PPP3CA: variants seen among roughly 807,000 people sequenced by gnomAD.
PPP3CA encodes the protein CAM-PRP catalytic subunit.
PPP3CA carries 14 observed loss-of-function variants against 66.5 expected under a neutral mutation model. That is an observed-to-expected ratio of 0.21 (90% CI 0.14 to 0.33). The LOEUF (loss-of-function observed/expected upper bound fraction) is 0.33. Ranked by LOEUF, PPP3CA falls within the 10% of genes least tolerant of loss-of-function variation. The pLI, the probability that PPP3CA is intolerant of heterozygous loss-of-function variation, is 1.00. For synonymous variants in PPP3CA, 232 were observed against 226.2 expected, an observed-to-expected ratio of 1.03 and a Z score of -0.23; for missense variants, 317 against 639.5, an observed-to-expected ratio of 0.50 and a Z score of 5.44.
At chr4:101,116,540 T>C (rs1266630510) in intron 2 of PPP3CA, among the ~76,000 whole-genome samples, 2 of 151,824 alleles carry the variant, frequency 1.3e-5, no homozygotes, top group Non-Finnish European at 1.5e-5. Flanking sequence ...TTCCTCCTGT[T>C]GATAATCCAG....
At chr4:101,296,440 A>G (rs1207008125) in intron 1 of PPP3CA, among the ~76,000 whole-genome samples, 1 of 152,146 alleles carries the variant, frequency 6.6e-6, no homozygotes, top group African/African-American at 2.4e-5. Context: ...TCCTTAACAG[A>G]TGCATGAGAA....
rs1729133139 is a variant in PPP3CA at position 101,075,205 on chromosome 4, C to T, written c.955+5327G>A. ...TCTGGGTGGGGACACAGCAAAACCA[C>T]ATCAGATGCTTTCCATGTGCATCTT... On this transcript the variant is annotated intron_variant, in intron 8 of 13. Coordinates refer to ENST00000394854, the MANE Select transcript of PPP3CA (RefSeq NM_000944.5). 2.0e-5 allele frequency among the ~76,000 whole-genome samples: 3 copies of T among 152,172 alleles called. No homozygotes were observed. The South Asian group carries it at 6.2e-4, about 32-fold the overall frequency.
chr4:101,042,047 G>C (rs1727546721), intron 10 of PPP3CA, among the ~76,000 whole-genome samples: 2 of 152,026 alleles, frequency 1.3e-5, no homozygotes, highest in Admixed American at 1.3e-4. Flanking sequence ...TTCCCTTAGA[G>C]GGCTTTTATG....
intron 2 of PPP3CA, among the ~76,000 whole-genome samples, chr4:101,124,717 GAAAGAA>G (rs1722161081): frequency 2.8e-4 from 23 of 80,876 alleles, no homozygotes; most frequent in South Asian, 2.1e-3. Context: ...AAGAAAGAAA[GAAAGAA>G]AGAGAAAGAA....
At chr4:101,092,781 T>C (rs1730013886) in intron 6 of PPP3CA, among the ~76,000 whole-genome samples, 1 of 152,196 alleles carries the variant, frequency 6.6e-6, no homozygotes, top group Non-Finnish European at 1.5e-5. Flanking sequence ...GCAAAGAACA[T>C]GAACACATCC....
intron 9 of PPP3CA, among the ~76,000 whole-genome samples, chr4:101,062,028 T>G (rs1326596372): frequency 1.3e-5 from 2 of 152,042 alleles, no homozygotes; most frequent in African/African-American, 2.4e-5. Context: ...ATCCAGAGTT[T>G]CAGTTTAATT....
At position 101,317,383 on chromosome 4, in the gene PPP3CA, C is replaced by T. The variant is rs375154311; in HGVS notation, c.58+29356G>A. Among the ~76,000 whole-genome samples the T allele has an allele frequency of 3.9e-5, 6 of 152,068 alleles. No homozygotes were observed. In the East Asian group the frequency reaches 5.8e-4, roughly 15 times the overall value. On this transcript the variant is annotated intron_variant, in intron 1 of 13. Coordinates refer to ENST00000394854, the MANE Select transcript of PPP3CA (RefSeq NM_000944.5). ...AATCAAGACAGCAAAATGTTTCCTT[C>T]CATTTTACATACTTGTAAAAATAAA... is the stretch of plus-strand genomic sequence containing the variant.
intron 1 of PPP3CA, among the ~76,000 whole-genome samples, chr4:101,224,301 C>T (rs777776374): frequency 6.6e-6 from 1 of 151,708 alleles, no homozygotes; most frequent in Admixed American, 6.6e-5. Context: ...TTTTGAGATG[C>T]TTTTGGCTTT....
chr4:101,314,584 A>AG (rs2039549695), intron 1 of PPP3CA, among the ~76,000 whole-genome samples: 1 of 151,270 alleles, frequency 6.6e-6, no homozygotes, highest in East Asian at 2.0e-4. Flanking sequence ...AAAAAAAAAA[A>AG]AAAAAAAAGA....
chr4:101,161,936 C>T (rs1030167961), intron 2 of PPP3CA, among the ~76,000 whole-genome samples: 3 of 152,008 alleles, frequency 2.0e-5, no homozygotes, highest in African/African-American at 4.8e-5. Context: ...TAGTCCACAT[C>T]GAGGTTAAAA....
At chr4:101,330,302 T>G in intron 1 of PPP3CA, 1 of 438,174 alleles carries the variant, frequency 2.3e-6, no homozygotes, top group Non-Finnish European at 4.6e-6. Context: ...TGATAAAATT[T>G]TAATGGATAA....
intron 2 of PPP3CA, among the ~76,000 whole-genome samples, chr4:101,192,271 A>G (rs1483078672): frequency 2.0e-5 from 3 of 151,996 alleles, no homozygotes; most frequent in African/African-American, 7.3e-5. Flanking sequence ...AAATCCCCCT[A>G]CCCTGCCATG....
chr4:101,025,761 G>T lies in PPP3CA; in HGVS notation c.*104C>A. 1.1e-6 allele frequency: 1 copy of T among 923,934 alleles called. No individual in the cohort carries two copies. Among genetic ancestry groups the T allele is most frequent in the Non-Finnish European group, 1.5e-6 (1 of 647,822 alleles). The allele number at this position is 923,934 out of a possible 1,614,324, so 57.2% of individuals were successfully genotyped here. On this transcript the variant is annotated 3_prime_UTR_variant, in exon 14 of 14. Coordinates refer to ENST00000394854, the MANE Select transcript of PPP3CA (RefSeq NM_000944.5). Reference sequence around the variant, plus strand: ...TGGCCCCCAGAGCAAATAAGCTACTGTCAGAGGCAAGAACATCCAACTGCT... The same window carrying T: ...TGGCCCCCAGAGCAAATAAGCTACTTTCAGAGGCAAGAACATCCAACTGCT...
intron 1 of PPP3CA, among the ~76,000 whole-genome samples, chr4:101,299,624 A>C (rs1728311776): frequency 6.6e-6 from 1 of 152,148 alleles, no homozygotes; most frequent in South Asian, 2.1e-4. Context: ...ATTTATAAGA[A>C]ATAAATATTA....
At position 101,347,294 on chromosome 4, in the gene PPP3CA, C is replaced by T; in HGVS notation, c.-498G>A. 4.8e-6 allele frequency: 1 copy of T among 207,846 alleles called. No homozygotes were observed. Among genetic ancestry groups the T allele is most frequent in the Non-Finnish European group, 9.3e-6 (1 of 107,030 alleles). The allele number at this position is 207,846 out of a possible 1,614,324, so 12.9% of individuals were successfully genotyped here. A position where few individuals can be genotyped will look rare whatever the true frequency, so the allele number is the denominator to read the frequency against. On this transcript the variant is annotated 5_prime_UTR_variant, in exon 1 of 14. Transcript: ENST00000394854. ...GTCAGTGCCACCAGCCGCACCTTGG[C>T]GTCCCCGGCGGCGGAGAGGCGGCCG...
intron 2 of PPP3CA, among the ~76,000 whole-genome samples, chr4:101,155,463 T>G (rs1422394515): frequency 1.3e-5 from 2 of 152,228 alleles, no homozygotes; most frequent in African/African-American, 2.4e-5. Flanking sequence ...CTGCAAGTGC[T>G]GTTCATCCAC....
chr4:101,248,669 T>A (rs1007018089), intron 1 of PPP3CA, among the ~76,000 whole-genome samples: 2 of 152,218 alleles, frequency 1.3e-5, no homozygotes, highest in African/African-American at 4.8e-5. Flanking sequence ...CTTTTTGCAT[T>A]TCAGATTACT....
chr4:101,317,913 A>T (rs1209533184), intron 1 of PPP3CA, among the ~76,000 whole-genome samples: 1 of 152,200 alleles, frequency 6.6e-6, no homozygotes, highest in African/African-American at 2.4e-5. Context: ...GAAAAACAAC[A>T]ATATCTACCT....
At chr4:101,304,640 AACAGAATT>A (rs756254162) in intron 1 of PPP3CA, among the ~76,000 whole-genome samples, 34 of 152,374 alleles carry the variant, frequency 2.2e-4, no homozygotes, top group South Asian at 2.1e-3. Context: ...TAAGATTTTA[AACAGAATT>A]ACATTCAAAA....
Sources: allele counts gnomAD v4.1 joint callset (sites outside exome capture counted in the v4.1 genomes callset), GRCh38; gene constraint gnomAD v4.1.1; transcripts MANE v1.5; gene names NCBI Gene and HGNC (gene_info 2026-07-23, HGNC 2026-07-21).